The following FRMD4B variants were observed in gnomAD, a reference collection of about 807,000 sequenced individuals.
The protein encoded by FRMD4B is FERM domain-containing protein 4B.
Under a neutral mutation model 141.5 loss-of-function variants are expected in FRMD4B, and 74 were observed. That is an observed-to-expected ratio of 0.52 (90% CI 0.43 to 0.63). The LOEUF is 0.63. FRMD4B is among the 30% of genes least tolerant of loss of function. The probability of loss-of-function intolerance (pLI) is 0.00; values close to 1 mark genes in which losing one functional copy is unlikely to be tolerated. For synonymous variants in FRMD4B, 506 were observed against 467.9 expected (o/e 1.08, Z -1.05); for missense variants, 1,366 against 1,253.4 (o/e 1.09, Z -1.36).
At chr3:69,347,191 G>T (rs1330946449) in intron 1 of FRMD4B, among the ~76,000 whole-genome samples, 1 of 152,128 alleles carries the variant, frequency 6.6e-6, no homozygotes, top group Non-Finnish European at 1.5e-5. Flanking sequence ...CCTAGTCTCT[G>T]ATAAAACAGA....
intron 4 of FRMD4B, among the ~76,000 whole-genome samples, chr3:69,299,925 C>T (rs1466986911): frequency 6.6e-6 from 1 of 152,048 alleles, no homozygotes; most frequent in Non-Finnish European, 1.5e-5. Flanking sequence ...CAAAAGAGGT[C>T]CCCTGCACTT....
At chr3:69,203,213 T>A (rs113610989) in intron 11 of FRMD4B, among the ~76,000 whole-genome samples, 2,274 of 150,994 alleles carry the variant, frequency 0.015, 77 homozygotes, top group East Asian at 0.073. Flanking sequence ...TTAGTTAGAT[T>A]CCACTCACTT....
chr3:69,215,284 C>CTTTTTTTTTTTTTGTTTTTTTTTTTT (rs2093129065), intron 11 of FRMD4B, among the ~76,000 whole-genome samples: 1 of 45,208 alleles, frequency 2.2e-5, no homozygotes. Context: ...TTGTGACCCT[C>CTTTTTTTTTTTTTGTTTTTTTTTTTT]TTTTTTTTTT....
intron 1 of FRMD4B, among the ~76,000 whole-genome samples, chr3:69,323,608 G>GTATATATATATATATA (rs55847019): frequency 5.9e-5 from 6 of 101,670 alleles, no homozygotes; most frequent in Admixed American, 1.0e-4. Context: ...CTCTCTCTGT[G>GTATATATATATATATA]TATATATATA....
intron 1 of FRMD4B, among the ~76,000 whole-genome samples, chr3:69,364,153 G>C (rs942351493): frequency 6.6e-6 from 1 of 152,196 alleles, no homozygotes; most frequent in Non-Finnish European, 1.5e-5. Context: ...CAAAACAAGA[G>C]AACCCACAGG....
intron 1 of FRMD4B, among the ~76,000 whole-genome samples, chr3:69,480,758 T>A (rs1706106226): frequency 6.6e-6 from 1 of 152,220 alleles, no homozygotes; most frequent in Non-Finnish European, 1.5e-5. Context: ...CAGGGACATT[T>A]AAGTCTGCAG....
chr3:69,453,774 T>C (rs1296684529), intron 1 of FRMD4B, among the ~76,000 whole-genome samples: 3 of 152,192 alleles, frequency 2.0e-5, no homozygotes, highest in Admixed American at 6.5e-5. Flanking sequence ...GTGCATTCTC[T>C]AAGGTGAAAT....
chr3:69,476,879 C>T (rs956499725), intron 1 of FRMD4B, among the ~76,000 whole-genome samples: 2 of 152,052 alleles, frequency 1.3e-5, no homozygotes, highest in Non-Finnish European at 2.9e-5. Context: ...TTTTATTTCA[C>T]TGAGCAGTGG....
chr3:69,540,968 A>G (rs541953323), intron 1 of FRMD4B, among the ~76,000 whole-genome samples: 4 of 152,130 alleles, frequency 2.6e-5, no homozygotes, highest in African/African-American at 7.2e-5. Context: ...CAGCATGTGT[A>G]TGACATATGA....
intron 6 of FRMD4B, 140 bp downstream of exon 6, chr3:69,249,903 C>T (rs533678444): frequency 5.8e-4 from 390 of 671,548 alleles, no homozygotes; most frequent in Middle Eastern, 1.0e-3. Flanking sequence ...GACGGTGGCG[C>T]ACATTTTTCA....
At chr3:69,264,605 A>G (rs1450514425) in intron 5 of FRMD4B, among the ~76,000 whole-genome samples, 1 of 152,166 alleles carries the variant, frequency 6.6e-6, no homozygotes, top group East Asian at 1.9e-4. Context: ...AAGCAAATTT[A>G]CACTACACAC....
At chr3:69,530,163 T>C (rs1332251420) in intron 1 of FRMD4B, among the ~76,000 whole-genome samples, 1 of 152,232 alleles carries the variant, frequency 6.6e-6, no homozygotes, top group Non-Finnish European at 1.5e-5. Flanking sequence ...ATACAGGCCA[T>C]AGGGCCCACA....
chr3:69,537,884 T>C (rs1312876481), intron 1 of FRMD4B, among the ~76,000 whole-genome samples: 1 of 152,230 alleles, frequency 6.6e-6, no homozygotes, highest in African/African-American at 2.4e-5. Context: ...TTTCCCCCTT[T>C]TCCTGCAACT....
chr3:69,188,637 G>A (rs1481756811), intron 18 of FRMD4B, among the ~76,000 whole-genome samples: 1 of 151,382 alleles, frequency 6.6e-6, no homozygotes, highest in African/African-American at 2.4e-5. Flanking sequence ...GGCGCCTGTA[G>A]TCCCAGCTAC....
At chr3:69,271,789 A>C (rs905960362) in intron 5 of FRMD4B, among the ~76,000 whole-genome samples, 1 of 152,098 alleles carries the variant, frequency 6.6e-6, no homozygotes, top group Non-Finnish European at 1.5e-5. Flanking sequence ...CCTGGCCAAC[A>C]TGGTGAAACC....
chr3:69,524,782 GC>G (rs1700908400), intron 1 of FRMD4B, among the ~76,000 whole-genome samples: 1 of 152,210 alleles, frequency 6.6e-6, no homozygotes, highest in Non-Finnish European at 1.5e-5. Flanking sequence ...TTTAGGCAGA[GC>G]TTGGTCACAT....
chr3:69,366,236 G>A (rs540386327), intron 1 of FRMD4B, among the ~76,000 whole-genome samples: 3 of 149,408 alleles, frequency 2.0e-5, no homozygotes, highest in Non-Finnish European at 2.9e-5. Flanking sequence ...CTCCAACCTA[G>A]GCAACAGAGC....
chr3:69,301,792 C>T (rs1262910937), intron 4 of FRMD4B, among the ~76,000 whole-genome samples: 1 of 152,180 alleles, frequency 6.6e-6, no homozygotes, highest in Admixed American at 6.6e-5. Context: ...AAGTCAAGGA[C>T]TCTGCATTAT....
At chr3:69,389,126 C>T (rs923246220), upstream of FRMD4B, among the ~76,000 whole-genome samples, 3 of 151,556 alleles carry the variant, frequency 2.0e-5, no homozygotes, top group African/African-American at 4.9e-5. Flanking sequence ...CTCCGCCTCC[C>T]GGGTTCAAGT....
Sources: gnomAD v4.1 joint callset for allele counts (sites outside exome capture counted in the v4.1 genomes callset) on GRCh38, gnomAD v4.1.1 for gene constraint, MANE v1.5 for transcripts, NCBI Gene and HGNC (gene_info 2026-07-23, HGNC 2026-07-21) for gene names.